Variants in FAM184A observed in about 807,000 individuals in gnomAD.
The protein encoded by FAM184A is family with sequence similarity 184 member A.
FAM184A carries 99 observed loss-of-function variants against 143.8 expected under a neutral mutation model. The observed-to-expected ratio is 0.69, with a 90% confidence interval of 0.58 to 0.81. FAM184A has a LOEUF of 0.81. Ranked by LOEUF, FAM184A falls within the 40% of genes least tolerant of loss-of-function variation. The pLI, the probability that FAM184A is intolerant of heterozygous loss-of-function variation, is 0.00. For missense variants in FAM184A, 1,217 were observed against 1,310.5 expected (o/e 0.93, Z 1.10); for synonymous variants, 427 against 446.4 (o/e 0.96, Z 0.55).
chr6:118,986,501 C>T (rs1361780947), intron 9 of FAM184A, among the ~76,000 whole-genome samples: 1 of 152,162 alleles, frequency 6.6e-6, no homozygotes, highest in African/African-American at 2.4e-5. Flanking sequence ...GAGCACGGCA[C>T]TCTGACAAAG....
intron 1 of FAM184A, among the ~76,000 whole-genome samples, chr6:119,041,453 T>A (rs1050342630): frequency 6.6e-6 from 1 of 152,006 alleles, no homozygotes; most frequent in African/African-American, 2.4e-5. Context: ...AAACAGTAAG[T>A]AAAGAAATAG....
At chr6:118,992,251 G>A (rs1042025910) in intron 9 of FAM184A, among the ~76,000 whole-genome samples, 2 of 152,096 alleles carry the variant, frequency 1.3e-5, no homozygotes, top group African/African-American at 2.4e-5. Flanking sequence ...TTTGGAGGTG[G>A]AATAAATAGG....
chr6:118,983,822 T>TA (rs1356615807), intron 9 of FAM184A, among the ~76,000 whole-genome samples: 3 of 151,996 alleles, frequency 2.0e-5, no homozygotes, highest in Non-Finnish European at 2.9e-5. Context: ...AATGGAATAT[T>TA]AAAGTTTTAT....
chr6:119,057,583 AT>A (rs1554192896), intron 1 of FAM184A, among the ~76,000 whole-genome samples: 18 of 152,092 alleles, frequency 1.2e-4, no homozygotes, highest in African/African-American at 4.3e-4. Context: ...GTACAAAAAA[AT>A]TTTTTTAATT....
Position 119,084,869 on chromosome 6 carries a change from C to G in FAM184A, c.-201-60056G>C, listed in dbSNP as rs116355201. Among the ~76,000 whole-genome samples the G allele has an allele frequency of 2.5e-3, 381 of 152,356 alleles. 4 individuals carry two copies. The highest frequency in any genetic ancestry group is 8.3e-3 in the African/African-American group (347 of 41,590). On this transcript the variant is annotated intron_variant, in intron 1 of 16. Transcript: ENST00000352896. The stretch of plus-strand genomic sequence containing the variant: ...CACCAAGGTTTATGGCTTGCACCCT[C>G]TGAAGCAACAGCCCAAGCTGTGTCT...
intron 1 of FAM184A, among the ~76,000 whole-genome samples, chr6:119,034,566 GT>G (rs71556823): frequency 6.9e-4 from 61 of 88,318 alleles, no homozygotes; most frequent in Middle Eastern, 5.1e-3. Context: ...TTAATATATA[GT>G]TTTTTTTTTT....
intron 1 of FAM184A, 152 bp from the exon 2 acceptor site, chr6:119,024,965 T>C (rs554627480): frequency 1.3e-6 from 1 of 760,034 alleles, no homozygotes; most frequent in African/African-American, 1.7e-5. Flanking sequence ...CAATTGTTTT[T>C]TTACTCATAG....
chr6:119,126,820 A>G (rs751365562), intron 1 of FAM184A, among the ~76,000 whole-genome samples: 24 of 152,300 alleles, frequency 1.6e-4, no homozygotes, highest in Non-Finnish European at 2.9e-4. Context: ...GGGGGATTTT[A>G]TTGCCAATGG....
At chr6:119,010,327 A>T (rs950820444) in intron 6 of FAM184A, among the ~76,000 whole-genome samples, 6 of 152,212 alleles carry the variant, frequency 3.9e-5, no homozygotes, top group Non-Finnish European at 1.5e-5. Context: ...TTCGAGGAAA[A>T]TTATACAATT....
intron 1 of FAM184A, among the ~76,000 whole-genome samples, chr6:119,054,756 T>C (rs1786894278): frequency 6.6e-6 from 1 of 152,168 alleles, no homozygotes; most frequent in South Asian, 2.1e-4. Flanking sequence ...ATGTTACTGC[T>C]TAGGATAAAA....
At chr6:119,015,953 T>C (rs1378235955) in intron 5 of FAM184A, among the ~76,000 whole-genome samples, 6 of 150,074 alleles carry the variant, frequency 4.0e-5, no homozygotes, top group African/African-American at 1.5e-4. Flanking sequence ...AGCTCAGGGA[T>C]TGTAAATACA....
chr6:119,097,193 T>G (rs1788531030), intron 1 of FAM184A, among the ~76,000 whole-genome samples: 1 of 152,156 alleles, frequency 6.6e-6, no homozygotes, highest in Non-Finnish European at 1.5e-5. Context: ...ACTGGTTGTA[T>G]TCACACTTAA....
intron 1 of FAM184A, among the ~76,000 whole-genome samples, chr6:119,142,699 A>G (rs1055523356): frequency 6.6e-6 from 1 of 152,096 alleles, no homozygotes; most frequent in African/African-American, 2.4e-5. Context: ...ATTCTCATAG[A>G]CCTCCTGGAG....
intron 1 of FAM184A, among the ~76,000 whole-genome samples, chr6:119,086,528 C>T (rs1002930523): frequency 2.6e-5 from 4 of 151,972 alleles, no homozygotes; most frequent in East Asian, 1.9e-4. Flanking sequence ...GCTCTAAGGA[C>T]GGTAAGGGCA....
rs372665988 is a variant in FAM184A at position 118,964,659 on chromosome 6, G to A, written c.3138+8C>T. On this transcript the variant is annotated splice_region_variant and intron_variant, in intron 16 of 17. Coordinates refer to ENST00000338891, the MANE Select transcript of FAM184A (RefSeq NM_024581.6). ...ACATTCCTATTCTACAGTGTTTACG[G>A]CACATACCTTAGCCAATGGATTAAT... 4.7e-6 allele frequency: 7 copies of A among 1,499,556 alleles called. No homozygotes were observed. Among genetic ancestry groups the A allele is most frequent in the South Asian group, 1.2e-5 (1 of 86,832 alleles). The allele number at this position is 1,499,556 out of a possible 1,614,324, so 92.9% of individuals were successfully genotyped here. A position where few individuals can be genotyped will look rare whatever the true frequency, so the allele number is the denominator to read the frequency against.
At chr6:118,982,549 C>T (rs995929093) in intron 9 of FAM184A, among the ~76,000 whole-genome samples, 3 of 152,232 alleles carry the variant, frequency 2.0e-5, no homozygotes, top group Non-Finnish European at 1.5e-5. Context: ...AGATCTGTGT[C>T]CATCCAAAAA....
At chr6:119,060,236 AT>A (rs1288418812) in intron 1 of FAM184A, among the ~76,000 whole-genome samples, 1 of 152,068 alleles carries the variant, frequency 6.6e-6, no homozygotes, top group Non-Finnish European at 1.5e-5. Flanking sequence ...TATCATGTCT[AT>A]TTTCACCCTG....
intron 1 of FAM184A, among the ~76,000 whole-genome samples, chr6:119,145,350 C>T (rs1772390892): frequency 6.6e-6 from 1 of 152,130 alleles, no homozygotes; most frequent in East Asian, 1.9e-4. Context: ...CTTTTATTGG[C>T]TTCTTTAGCT....
At chr6:119,071,978 C>T (rs1787705910) in intron 1 of FAM184A, among the ~76,000 whole-genome samples, 1 of 149,224 alleles carries the variant, frequency 6.7e-6, no homozygotes, top group Admixed American at 6.8e-5. Flanking sequence ...TCTTGTGCCT[C>T]AGCCTCCCAA....
Sources: allele counts gnomAD v4.1 joint callset (sites outside exome capture counted in the v4.1 genomes callset), GRCh38; gene constraint gnomAD v4.1.1; transcripts MANE v1.5; gene names NCBI Gene and HGNC (gene_info 2026-07-23, HGNC 2026-07-21).